The following CCSER1 variants were observed in gnomAD, a reference collection of about 807,000 sequenced individuals.
CCSER1 encodes coiled-coil serine rich protein 1.
Under a neutral mutation model 82.0 loss-of-function variants are expected in CCSER1, and 41 were observed. That is an observed-to-expected ratio of 0.50 (90% confidence interval 0.39 to 0.65). CCSER1 has a LOEUF of 0.65. CCSER1 is among the 30% of genes least tolerant of loss of function. The probability of loss-of-function intolerance (pLI) is 0.00; values close to 1 mark genes in which losing one functional copy is unlikely to be tolerated. For synonymous variants in CCSER1, 414 were observed against 383.9 expected, an observed-to-expected ratio of 1.08 and a Z score of -0.92; for missense variants, 1,119 against 1,064.2, an observed-to-expected ratio of 1.05 and a Z score of -0.72.
At chr4:91,026,578 A>T (rs1242266468) in intron 9 of CCSER1, among the ~76,000 whole-genome samples, 1 of 152,106 alleles carries the variant, frequency 6.6e-6, no homozygotes, top group Non-Finnish European at 1.5e-5. Flanking sequence ...ATTTTAAATC[A>T]TGAGATGTTC....
chr4:90,399,800 G>GAAAA (rs970178723), intron 3 of CCSER1, among the ~76,000 whole-genome samples: 1 of 150,942 alleles, frequency 6.6e-6, no homozygotes. Context: ...CATTAAAAAA[G>GAAAA]AAAAAAAATG....
intron 9 of CCSER1, among the ~76,000 whole-genome samples, chr4:90,940,008 C>T (rs1030124060): frequency 6.6e-6 from 1 of 151,962 alleles, no homozygotes; most frequent in Non-Finnish European, 1.5e-5. Context: ...TAAATTAAAG[C>T]ACTCCCCTGA....
intron 1 of CCSER1, among the ~76,000 whole-genome samples, chr4:90,174,737 AAAAG>A (rs948733320): frequency 1.3e-5 from 2 of 152,010 alleles, no homozygotes; most frequent in African/African-American, 4.8e-5. Context: ...TGAGGCCTGA[AAAAG>A]AAATTTCTAA....
intron 5 of CCSER1, among the ~76,000 whole-genome samples, chr4:90,593,936 T>A (rs1248266948): frequency 6.6e-6 from 1 of 152,028 alleles, no homozygotes; most frequent in Non-Finnish European, 1.5e-5. Flanking sequence ...CATAGTAGGA[T>A]CTCAGTAAAT....
chr4:90,943,746 T>G (rs1035137820), intron 9 of CCSER1, among the ~76,000 whole-genome samples: 2 of 137,760 alleles, frequency 1.5e-5, no homozygotes, highest in Admixed American at 7.3e-5. Context: ...TTTTTTTTTT[T>G]TTTTTTTTTT....
chr4:91,230,540 TAGAG>T (rs1168707404), intron 10 of CCSER1, among the ~76,000 whole-genome samples: 35 of 152,184 alleles, frequency 2.3e-4, no homozygotes, highest in African/African-American at 8.4e-4. Flanking sequence ...TTGCTCATTG[TAGAG>T]ATTTTTAAAA....
intron 9 of CCSER1, among the ~76,000 whole-genome samples, chr4:90,984,483 A>G (rs1439694977): frequency 2.6e-5 from 4 of 151,706 alleles, no homozygotes; most frequent in East Asian, 1.9e-4. Flanking sequence ...CAAGATGGCT[A>G]TAATTACAAA....
chr4:90,440,658 G>T (rs1243646279), intron 4 of CCSER1, among the ~76,000 whole-genome samples: 1 of 152,098 alleles, frequency 6.6e-6, no homozygotes, highest in Non-Finnish European at 1.5e-5. Flanking sequence ...GCAGTTTTTT[G>T]TGACAGTTCT....
intron 10 of CCSER1, among the ~76,000 whole-genome samples, chr4:91,383,512 G>A (rs1027685253): frequency 2.0e-5 from 3 of 151,948 alleles, no homozygotes; most frequent in Non-Finnish European, 1.5e-5. Context: ...AAATTTAACT[G>A]GAGTTATTCT....
intron 7 of CCSER1, among the ~76,000 whole-genome samples, chr4:90,805,961 A>T (rs1757442358): frequency 6.6e-6 from 1 of 152,186 alleles, no homozygotes; most frequent in African/African-American, 2.4e-5. Flanking sequence ...GAGAATTTTG[A>T]TGGGTTATTG....
At chr4:91,535,752 T>A (rs934102414) in intron 10 of CCSER1, among the ~76,000 whole-genome samples, 1 of 152,000 alleles carries the variant, frequency 6.6e-6, no homozygotes, top group African/African-American at 2.4e-5. Context: ...GAAAATTGAG[T>A]CAACAGACAA....
At chr4:90,720,805 T>C (rs17017456) in intron 6 of CCSER1, among the ~76,000 whole-genome samples, 34,520 of 151,862 alleles carry the variant, frequency 0.23, 4,962 homozygotes, top group African/African-American at 0.4. Flanking sequence ...CAATAATAAA[T>C]ATAATAGTAG....
chr4:90,151,012 G>T (rs1361177796), intron 1 of CCSER1, among the ~76,000 whole-genome samples: 3 of 152,014 alleles, frequency 2.0e-5, no homozygotes, highest in South Asian at 4.2e-4. Flanking sequence ...TTAATAAAAG[G>T]TTCCACAACC....
chr4:91,382,358 G>C (rs1220917210), intron 10 of CCSER1, among the ~76,000 whole-genome samples: 2 of 152,198 alleles, frequency 1.3e-5, no homozygotes, highest in Non-Finnish European at 2.9e-5. Context: ...GTTCCACCCA[G>C]TTTGAGTTTC....
intron 10 of CCSER1, among the ~76,000 whole-genome samples, chr4:91,244,472 T>A (rs776774824): frequency 6.6e-6 from 1 of 152,164 alleles, no homozygotes; most frequent in Non-Finnish European, 1.5e-5. Context: ...GGTGTCTAAG[T>A]GCAGAGAGAG....
chr4:90,641,960 T>G (rs1429615513), intron 6 of CCSER1: 1 of 346,370 alleles, frequency 2.9e-6, no homozygotes, highest in Admixed American at 2.6e-5. Context: ...GAATCCAGCA[T>G]TAATGTTTCA....
intron 8 of CCSER1, among the ~76,000 whole-genome samples, chr4:90,905,881 TTATAAA>T (rs1036998625): frequency 1.3e-5 from 2 of 152,146 alleles, no homozygotes; most frequent in Non-Finnish European, 2.9e-5. Context: ...CTAGTTTTGT[TTATAAA>T]TATAAATATG....
rs150702176 is a variant in CCSER1, at chr4:91,131,620, A to G, written c.2217+45626A>G. On this transcript the variant is annotated intron_variant, in intron 10 of 10. Transcript: ENST00000509176. ...AATCTATGTGTATACATATTTATAT[A>G]TATTAATCTATTCATCAATCTGTTG... 5.5e-3 allele frequency among the ~76,000 whole-genome samples: 843 copies of G among 152,220 alleles called. 6 individuals are homozygous for G. Among genetic ancestry groups the G allele is most frequent in the African/African-American group, 0.019 (796 of 41,554 alleles).
At chr4:91,066,440 CAATT>C (rs1561517223) in intron 9 of CCSER1, among the ~76,000 whole-genome samples, 2 of 151,888 alleles carry the variant, frequency 1.3e-5, no homozygotes, top group African/African-American at 4.8e-5. Flanking sequence ...TGTTAGACAA[CAATT>C]AAAAAATTTG....
Sources: allele counts gnomAD v4.1 joint callset (sites outside exome capture counted in the v4.1 genomes callset), GRCh38; gene constraint gnomAD v4.1.1; transcripts MANE v1.5; gene names NCBI Gene and HGNC (gene_info 2026-07-23, HGNC 2026-07-21).